Variants in ADCY3 observed in about 807,000 individuals in gnomAD.
ADCY3 encodes the protein adenylate cyclase 3.
Under a neutral mutation model 119.4 loss-of-function variants are expected in ADCY3, and 70 were observed. The ratio of observed to expected loss-of-function variants is 0.59; its 90% CI spans 0.48 to 0.72. ADCY3 has a LOEUF of 0.72. ADCY3 is among the 30% of genes least tolerant of loss of function. ADCY3 has a pLI of 0.00. For synonymous variants in ADCY3, 672 were observed against 621.4 expected (o/e 1.08, Z -1.21); for missense variants, 1,238 against 1,541.6 (o/e 0.80, Z 3.30).
intron 14 of ADCY3, 36 bp from the exon 15 acceptor site, chr2:24,827,644 T>TG: frequency 6.4e-7 from 1 of 1,565,014 alleles, no homozygotes; most frequent in Non-Finnish European, 8.7e-7. Context: ...AGGCCCCATC[T>TG]GGGAACAAGA....
chr2:24,868,892 C>T (rs1296366450), intron 3 of ADCY3, among the ~76,000 whole-genome samples: 1 of 151,330 alleles, frequency 6.6e-6, no homozygotes, highest in Non-Finnish European at 1.5e-5. Flanking sequence ...GGCATGGTGG[C>T]AGGCACCTGT....
chr2:24,821,907 G>A (rs927352056), intron 19 of ADCY3: 2 of 418,410 alleles, frequency 4.8e-6, no homozygotes, highest in Non-Finnish European at 8.6e-6. Context: ...CCTTCACCTT[G>A]GCTGGGCCTG....
intron 2 of ADCY3, among the ~76,000 whole-genome samples, chr2:24,903,304 T>C (rs1679127247): frequency 6.6e-6 from 1 of 152,174 alleles, no homozygotes; most frequent in African/African-American, 2.4e-5. Flanking sequence ...TTCCCCTTTT[T>C]CATGTACAGT....
rs143638622 is a variant in ADCY3 at position 24,908,100 on chromosome 2, T to A, written c.675+10213A>T. On this transcript the variant is annotated intron_variant, in intron 2 of 21. Transcript: ENST00000679454. ...ACTTTGGAAGGCCAAGGTGGGCAGA[T>A]CACCTGAGGTCAGGAATTCAAGACC... Among the ~76,000 whole-genome samples the A allele has an allele frequency of 9.2e-3, 1,407 of 152,256 alleles. 13 individuals carry two copies. Among genetic ancestry groups the A allele is most frequent in the Middle Eastern group, 0.014 (4 of 294 alleles).
At chr2:24,884,619 G>C (rs1676811847) in intron 2 of ADCY3, among the ~76,000 whole-genome samples, 1 of 151,824 alleles carries the variant, frequency 6.6e-6, no homozygotes, top group Non-Finnish European at 1.5e-5. Context: ...GGGATTTACA[G>C]GTGCCCGCCA....
rs550475352 is a variant in ADCY3 at position 24,911,760 on chromosome 2, G to A, written c.675+6553C>T. 2.2e-4 allele frequency among the ~76,000 whole-genome samples: 33 copies of A among 151,636 alleles called. No homozygotes were observed. The Middle Eastern group carries it at 0.02, about 94-fold the overall frequency. ...GATGGGGTCTCATTATGTTGCCCAG[G>A]CTGGTCTTGAACTCCTGGCCTCAAG... On this transcript the variant is annotated intron_variant, in intron 2 of 21. Transcript: ENST00000679454.
Position 24,840,023 on chromosome 2 carries a change from C to T in ADCY3, c.1205G>A (p.Arg402Gln), listed in dbSNP as rs375281696. Residue 402 changes from arginine (R) to glutamine (Q), a missense_variant, in exon 7 of 22, where the codon CGG becomes CAG. Around this residue, in one of 7 missense-constraint regions of ADCY3, gnomAD observed 283 missense variants for 437.2 expected, o/e 0.65. Transcript: ENST00000679454. ...GTCCACCCCAGTCTTGGTCTTCTCC[C>T]GCACATACCTGCCAGGTACACACAG... The part of the protein sequence containing the change: ...LAMVEAISYV[R>Q]EKTKTGVDMR... The T allele has an allele frequency of 2.2e-5, 35 of 1,609,884 alleles. No homozygotes were observed. In the African/African-American group the frequency reaches 3.5e-4, roughly 16 times the overall value.
chr2:24,856,310 G>A (rs1672997846), intron 3 of ADCY3, among the ~76,000 whole-genome samples: 1 of 152,322 alleles, frequency 6.6e-6, no homozygotes, highest in South Asian at 2.1e-4. Flanking sequence ...GGGTAGGTGT[G>A]TCCATGTGTG....
chr2:24,826,050 G>A lies in ADCY3; in HGVS notation c.2572C>T (p.Arg858Cys), dbSNP rs761536857. 3.1e-6 allele frequency: 5 copies of A among 1,614,000 alleles called. No homozygotes were observed. Among genetic ancestry groups the A allele is most frequent in the South Asian group, 1.1e-5 (1 of 91,050 alleles). Residue 858 changes from arginine (R) to cysteine (C), a missense_variant, in exon 16 of 22, where the codon CGC (arginine) becomes TGC (cysteine). Physicochemically the swap from Arg to Cys is radical, Grantham distance 180. This residue lies in a region of ADCY3 where 499 missense variants were observed against 571.0 expected (regional missense o/e 0.87). Coordinates refer to ENST00000679454, the MANE Select transcript of ADCY3 (RefSeq NM_004036.5). Reference sequence around the variant, plus strand: ...ATCGTGCAGGCGGCACTCACGTGGCGGGAGAAGTAGTAGAAGCTGAGCATC... The same window carrying A: ...ATCGTGCAGGCGGCACTCACGTGGCAGGAGAAGTAGTAGAAGCTGAGCATC... ...LMMLSFYYFS[R>C]HVEKLARTLF...
chr2:24,903,870 C>A (rs1679180915), intron 2 of ADCY3, among the ~76,000 whole-genome samples: 1 of 152,156 alleles, frequency 6.6e-6, no homozygotes, highest in Non-Finnish European at 1.5e-5. Context: ...CTCAGGGGAA[C>A]AAAGTGAGGC....
rs1471554296 is a variant in ADCY3, at chr2:24,842,182, A to G, written c.956+72T>C. 6.2e-7 allele frequency: 1 copy of G among 1,601,848 alleles called. No homozygotes were observed. The highest frequency in any genetic ancestry group is 2.2e-5 in the East Asian group (1 of 44,744). On this transcript the variant is annotated intron_variant, in intron 4 of 21. Transcript: ENST00000679454. The surrounding 1 kb of genome is among the most constrained non-coding windows in gnomAD (Gnocchi z 4.9). ...AAACCTCTTGAAGCCCACAGCACCT[A>G]GCGGGTCCCACAAAGATGCAGCCCT...
rs926104807 is a variant in ADCY3, at chr2:24,826,083, A to C, written c.2539T>G (p.Phe847Val). 1 of 1,614,030 alleles carries C rather than the reference A, an allele frequency of 6.2e-7. No individual in the cohort carries two copies. The highest frequency in any genetic ancestry group is 1.7e-5 in the Admixed American group (1 of 60,016). ...TAGTAGAAGCTGAGCATCATGAGGA[A>C]CACCATCACCGTCATAGAGTACTTG... ...PSKYSMTVMV[F>V]LMMLSFYYFS... The change falls in exon 16 of 22, where the codon TTC becomes GTC. Residue 847 changes from phenylalanine (F) to valine (V), a missense_variant. Physicochemically the swap from Phe to Val is conservative, Grantham distance 50. Coordinates refer to ENST00000679454, the MANE Select transcript of ADCY3 (RefSeq NM_004036.5).
chr2:24,836,447 G>A (rs1197744934), intron 9 of ADCY3, among the ~76,000 whole-genome samples: 2 of 152,200 alleles, frequency 1.3e-5, no homozygotes, highest in Non-Finnish European at 2.9e-5. Flanking sequence ...AGTTCTGGGT[G>A]CTCCCCAAGA....
chr2:24,827,073 C>T (rs149380750), intron 15 of ADCY3, among the ~76,000 whole-genome samples: 4 of 152,268 alleles, frequency 2.6e-5, no homozygotes, highest in African/African-American at 4.8e-5. Flanking sequence ...TCTATTAGGT[C>T]ATCTTTTTAT....
Position 24,834,389 on chromosome 2 carries a change from C to T in ADCY3, c.1967+96G>A. On this transcript the variant is annotated intron_variant, in intron 11 of 21. Coordinates refer to ENST00000679454, the MANE Select transcript of ADCY3 (RefSeq NM_004036.5). The surrounding 1 kb of genome is among the most constrained non-coding windows in gnomAD (Gnocchi z 4.2). ...CAGGGAGCAGAGACTGGCTTGCTCC[C>T]CAATGTCAGGCTCCCGCTGAGACAC... The T allele has an allele frequency of 2.8e-6, 4 of 1,437,346 alleles. No homozygotes were observed. The South Asian group carries it at 5.3e-5, about 19-fold the overall frequency. The allele number at this position is 1,437,346 out of a possible 1,614,324, so 89.0% of individuals were successfully genotyped here.
chr2:24,885,028 C>A (rs923891453), intron 2 of ADCY3, among the ~76,000 whole-genome samples: 1 of 152,198 alleles, frequency 6.6e-6, no homozygotes, highest in Non-Finnish European at 1.5e-5. Flanking sequence ...CTGGAAGGAC[C>A]ATGGCAGGTC....
At chr2:24,875,656 C>A (rs552388658) in intron 2 of ADCY3, among the ~76,000 whole-genome samples, 1 of 152,332 alleles carries the variant, frequency 6.6e-6, no homozygotes, top group South Asian at 2.1e-4. Flanking sequence ...TGACGTGCAG[C>A]CTGGGTGGGG....
Position 24,834,434 on chromosome 2 carries a change from G to T in ADCY3, c.1967+51C>A. 1 of 1,375,974 alleles carries T rather than the reference G, an allele frequency of 7.3e-7. No individual in the cohort carries two copies. The highest frequency in any genetic ancestry group is 9.4e-7 in the Non-Finnish European group (1 of 1,059,716). 85.2% of individuals were successfully genotyped at this position (1,375,974 alleles called of 1,614,324 possible). On this transcript the variant is annotated intron_variant, in intron 11 of 21. Coordinates refer to ENST00000679454, the MANE Select transcript of ADCY3 (RefSeq NM_004036.5). This position sits in a 1 kb window ranked among gnomAD's most constrained non-coding sequence, Gnocchi z 4.2. ...AGACACCTGCCCCCGCCCCCCGCCC[G>T]GCACCACCGCAGCCGAGGAAACTCG...
rs114113917 is a variant in ADCY3 at position 24,872,432 on chromosome 2, C to T, written c.825+138G>A. 983 of 1,103,580 alleles carry T rather than the reference C, an allele frequency of 8.9e-4. 10 individuals are homozygous for T. The African/African-American group carries it at 0.013, about 14-fold the overall frequency. 68.4% of individuals were successfully genotyped at this position (1,103,580 alleles called of 1,614,324 possible). On this transcript the variant is annotated intron_variant, in intron 3 of 21. Transcript: ENST00000679454. The surrounding 1 kb of genome is among the most constrained non-coding windows in gnomAD (Gnocchi z 4.4). ...AGTGAGGAGCCCAGAAGACAAAGTT[C>T]AGAAGCAAACACCTGAACAGGGTGG...
Sources: gnomAD v4.1 joint callset for allele counts (sites outside exome capture counted in the v4.1 genomes callset) on GRCh38, gnomAD v4.1.1 for gene constraint, gnomAD v4.1.1 regional missense constraint, Gnocchi (gnomAD v3.1) non-coding constraint, MANE v1.5 for transcripts, NCBI Gene and HGNC (gene_info 2026-07-23, HGNC 2026-07-21) for gene names.